MAGEC3: variants seen among roughly 807,000 people sequenced by gnomAD.
The protein encoded by MAGEC3 is melanoma-associated antigen C3.
A neutral mutation model predicts 35.3 loss-of-function variants in MAGEC3; 34 were observed. The ratio of observed to expected loss-of-function variants is 0.96; its 90% CI spans 0.73 to 1.28. The LOEUF (loss-of-function observed/expected upper bound fraction) is 1.28. MAGEC3 is among the 50% of genes most tolerant of loss of function. The pLI, the probability that MAGEC3 is intolerant of heterozygous loss-of-function variation, is 0.00. For synonymous variants in MAGEC3, 202 were observed against 185.6 expected (o/e 1.09, Z -0.72); for missense variants, 561 against 483.6 (o/e 1.16, Z -1.50).
intron 3 of MAGEC3, chrX:141,880,938 C>A: frequency 1.5e-6 from 1 of 660,227 alleles, no homozygotes; most frequent in Non-Finnish European, 2.5e-6. Context: ...CATCCACATC[C>A]CTGCTCACAC....
At position 141,879,165 on chromosome X, in the gene MAGEC3, C is replaced by T. The variant is rs2017940405; in HGVS notation, c.259-10C>T. 1.7e-6 allele frequency: 2 copies of T among 1,164,864 alleles called. No homozygotes were observed. Among genetic ancestry groups the T allele is most frequent in the Non-Finnish European group, 2.3e-6 (2 of 871,142 alleles). ...TAGTGCCCCTCCCCTGTCCCTGTGC[C>T]TGCTGCCAGCTCTGGAGGACCCTAT... On this transcript the variant is annotated splice_polypyrimidine_tract_variant and intron_variant, in intron 2 of 7. Transcript: ENST00000298296.
rs142229164 is a variant in MAGEC3, at chrX:141,897,214, G to A, written c.1456G>A (p.Val486Ile). ...CACAAAGGCAGAGATGCTGACGACT[G>A]TCATCAAGAAGTATAAGGACTATTT... The part of the protein sequence containing the change: ...PVTKAEMLTT[V>I]IKKYKDYFPM... Residue 486 changes from valine (V) to isoleucine (I), a missense_variant, in exon 7 of 8, where the codon GTC becomes ATC. Physicochemically the swap from Val to Ile is conservative, Grantham distance 29 (BLOSUM62 3). Transcript: ENST00000298296. 314 of 1,210,564 alleles carry A rather than the reference G, an allele frequency of 2.6e-4. 1 individual carries two copies. The highest frequency in any genetic ancestry group is 3.3e-4 in the Non-Finnish European group (298 of 895,350).
intron 2 of MAGEC3, among the ~76,000 whole-genome samples, chrX:141,878,061 C>G (rs367562400): frequency 8.9e-6 from 1 of 112,371 alleles, no homozygotes; most frequent in African/African-American, 3.2e-5. Flanking sequence ...CATGTTCCTT[C>G]GATGCCCTTT....
chrX:141,863,022 A>G (rs990254717), intron 1 of MAGEC3, among the ~76,000 whole-genome samples: 1 of 111,906 alleles, frequency 8.9e-6, no homozygotes, highest in African/African-American at 3.3e-5. Context: ...TTTATTACAC[A>G]TTCTATACAT....
At chrX:141,856,197 A>G (rs1029802341) in intron 1 of MAGEC3, among the ~76,000 whole-genome samples, 3 of 111,678 alleles carry the variant, frequency 2.7e-5, no homozygotes, top group African/African-American at 9.8e-5. Flanking sequence ...TAATATGCAC[A>G]CCGTGATGCT....
chrX:141,894,218 A>G (rs1403839782), intron 4 of MAGEC3, among the ~76,000 whole-genome samples: 1 of 112,171 alleles, frequency 8.9e-6, no homozygotes, highest in Non-Finnish European at 1.9e-5. Context: ...TCAGTGTGAC[A>G]CTTGGTTCGT....
chrX:141,869,760 T>C (rs1441267975), intron 2 of MAGEC3, among the ~76,000 whole-genome samples: 1 of 112,159 alleles, frequency 8.9e-6, no homozygotes, highest in Non-Finnish European at 1.9e-5. Context: ...GAAACACAAC[T>C]GACAAAGAAA....
chrX:141,897,353 C>A lies in MAGEC3; in HGVS notation c.1595C>A (p.Thr532Asn), dbSNP rs761876145. The A allele has an allele frequency of 8.3e-7, 1 of 1,211,742 alleles. No individual in the cohort carries two copies. Among genetic ancestry groups the A allele is most frequent in the Middle Eastern group, 2.3e-4 (1 of 4,355 alleles). ...SYFFEDTLDL[T>N]YEGSLIDDQG... ...TTCTTTGAAGACACATTAGACCTCA[C>A]CTATGAGGGAAGCCTGATTGATGAC... Residue 532 changes from threonine (T) to asparagine (N), a missense_variant, in exon 7 of 8, where the codon ACC (threonine) becomes AAC (asparagine). Physicochemically the swap from Thr to Asn is moderately conservative, Grantham distance 65. Transcript: ENST00000298296.
rs761784364 is a variant in MAGEC3, at chrX:141,881,539, T to TACAC, written c.653_656dup (p.Gly220HisfsTer13). 31 of 1,209,737 alleles carry TACAC rather than the reference T, an allele frequency of 2.6e-5. No individual in the cohort carries two copies. The Admixed American group carries it at 6.8e-4, about 26-fold the overall frequency. On this transcript the variant is annotated frameshift_variant, in exon 4 of 8. Coordinates refer to ENST00000298296, the MANE Select transcript of MAGEC3 (RefSeq NM_138702.1). LOFTEE classifies it high-confidence loss of function. ...GATGCAGATGAATGTCATCAACACA[T>TACAC]ACACGGGCTACTTTCCTATGATCTT... is the stretch of plus-strand genomic sequence containing the variant.
At chrX:141,863,377 A>G (rs375539279) in intron 1 of MAGEC3, among the ~76,000 whole-genome samples, 4 of 111,487 alleles carry the variant, frequency 3.6e-5, no homozygotes, top group Admixed American at 9.6e-5. Flanking sequence ...AAACGATTCT[A>G]TGTGATACTG....
chrX:141,865,370 A>C lies in MAGEC3; in HGVS notation c.124-101A>C, dbSNP rs1465216487. The stretch of plus-strand genomic sequence containing the variant: ...ACATTTTTTTTCTCTAATTGCTTTC[A>C]CTCATCAAGGGAAAGACACTAAAGA... On this transcript the variant is annotated intron_variant, in intron 1 of 7. Transcript: ENST00000298296. 3.0e-5 allele frequency: 24 copies of C among 793,484 alleles called. No individual in the cohort carries two copies. In the East Asian group the frequency reaches 8.6e-4, roughly 29 times the overall value. The allele number at this position is 793,484 out of a possible 1,213,427, so 65.4% of individuals were successfully genotyped here.
At chrX:141,880,927 T>A in intron 3 of MAGEC3, 2 of 697,953 alleles carry the variant, frequency 2.9e-6, no homozygotes, top group Non-Finnish European at 4.6e-6. Context: ...TTGGATGCCA[T>A]CATCCACATC....
At chrX:141,872,006 G>A (rs957960816) in intron 2 of MAGEC3, among the ~76,000 whole-genome samples, 17 of 110,173 alleles carry the variant, frequency 1.5e-4, no homozygotes, top group African/African-American at 5.6e-4. Context: ...TTTGGAGAAA[G>A]GGGTTTTAGG....
chrX:141,845,565 A>G (rs2017711239), intron 1 of MAGEC3, among the ~76,000 whole-genome samples: 1 of 111,276 alleles, frequency 9.0e-6, no homozygotes, highest in African/African-American at 3.2e-5. Flanking sequence ...ATATATCTCT[A>G]CTGACATTCA....
intron 1 of MAGEC3, among the ~76,000 whole-genome samples, chrX:141,846,753 C>T (rs1050932060): frequency 3.6e-5 from 4 of 110,994 alleles, no homozygotes; most frequent in African/African-American, 9.8e-5. Context: ...CAAGTTTTTG[C>T]ACTGACTTTA....
At chrX:141,846,682 A>G (rs1173722699) in intron 1 of MAGEC3, among the ~76,000 whole-genome samples, 1 of 111,284 alleles carries the variant, frequency 9.0e-6, no homozygotes, top group East Asian at 2.8e-4. Context: ...CTGGTTCAAC[A>G]ATATCTCAAC....
At chrX:141,884,687 G>GCGTGAACT in intron 4 of MAGEC3, among the ~76,000 whole-genome samples, 1 of 111,535 alleles carries the variant, frequency 9.0e-6, no homozygotes. Flanking sequence ...ATAGCCTTTG[G>GCGTGAACT]CGTGAACTGT....
intron 1 of MAGEC3, among the ~76,000 whole-genome samples, chrX:141,846,832 C>T (rs1236618723): frequency 9.0e-6 from 1 of 110,774 alleles, no homozygotes; most frequent in Non-Finnish European, 1.9e-5. Flanking sequence ...ACTGTTGTTG[C>T]TAACTTTAGT....
intron 1 of MAGEC3, among the ~76,000 whole-genome samples, chrX:141,847,043 T>C (rs1369933722): frequency 2.7e-5 from 3 of 111,130 alleles, no homozygotes; most frequent in Non-Finnish European, 5.7e-5. Context: ...AGATGGTAAT[T>C]TCACATGAAT....
Sources: gnomAD v4.1 joint callset for allele counts (sites outside exome capture counted in the v4.1 genomes callset) on GRCh38, gnomAD v4.1.1 for gene constraint, MANE v1.5 for transcripts, NCBI Gene and HGNC (gene_info 2026-07-23, HGNC 2026-07-21) for gene names.